AHCY: variants seen among roughly 807,000 people sequenced by gnomAD.
The protein encoded by AHCY is adenosylhomocysteinase.
AHCY carries 24 observed loss-of-function variants against 45.4 expected under a neutral mutation model. That is an observed-to-expected ratio of 0.53 (90% confidence interval 0.38 to 0.74). The LOEUF is 0.74. Ranked by LOEUF, AHCY falls within the 30% of genes least tolerant of loss-of-function variation. The pLI is 0.00. For synonymous variants in AHCY, 245 were observed against 235.1 expected (o/e 1.04, Z -0.39); for missense variants, 449 against 594.1 (o/e 0.76, Z 2.54).
downstream of AHCY, among the ~76,000 whole-genome samples, chr20:34,275,600 T>A (rs1031981973): frequency 1.3e-5 from 2 of 152,140 alleles, no homozygotes; most frequent in Admixed American, 1.3e-4. Context: ...ATCCAGTTAG[T>A]GTAAAACATG....
At chr20:34,301,305 C>T (rs756536699) in intron 1 of AHCY, among the ~76,000 whole-genome samples, 1 of 152,092 alleles carries the variant, frequency 6.6e-6, no homozygotes, top group Non-Finnish European at 1.5e-5. Flanking sequence ...CACCACATGT[C>T]CCTCCAGCTA....
the AHCY span, among the ~76,000 whole-genome samples, chr20:34,264,361 G>T: frequency 2.0e-5 from 3 of 152,192 alleles, no homozygotes; most frequent in Non-Finnish European, 4.4e-5. Context: ...CGCTCTGTGA[G>T]CTAATCATCT....
the AHCY span, among the ~76,000 whole-genome samples, chr20:34,249,536 G>A: frequency 6.6e-6 from 1 of 152,144 alleles, no homozygotes; most frequent in African/African-American, 2.4e-5. Flanking sequence ...GGCTTCATGA[G>A]CATGCAGCTT....
At chr20:34,256,338 C>T in the AHCY span, among the ~76,000 whole-genome samples, 101 of 152,274 alleles carry the variant, frequency 6.6e-4, no homozygotes, top group African/African-American at 2.2e-3. Context: ...TGGTAGTGGT[C>T]CCCCGGACCC....
chr20:34,293,576 C>A, intron 3 of AHCY: 1 of 268,206 alleles, frequency 3.7e-6, no homozygotes, highest in Non-Finnish European at 7.3e-6. Flanking sequence ...TCCTGTCCAC[C>A]TGTGGTTGGT....
the AHCY span, among the ~76,000 whole-genome samples, chr20:34,237,609 T>C: frequency 6.6e-6 from 1 of 152,250 alleles, no homozygotes; most frequent in Non-Finnish European, 1.5e-5. Context: ...GAGATCATTT[T>C]ACTCCTTCCT....
chr20:34,272,861 G>C, the AHCY span, among the ~76,000 whole-genome samples: 1 of 152,152 alleles, frequency 6.6e-6, no homozygotes, highest in Non-Finnish European at 1.5e-5. Flanking sequence ...TCCAGGCTGT[G>C]TCTCAAAAAT....
At chr20:34,294,040 C>T in intron 3 of AHCY, 41 bp downstream of exon 3, 1 of 1,593,506 alleles carries the variant, frequency 6.3e-7, no homozygotes, top group Non-Finnish European at 8.6e-7. Context: ...AGGGCAGAAT[C>T]CCTTCACAAA....
At chr20:34,297,433 G>T (rs2036611101) in intron 1 of AHCY, among the ~76,000 whole-genome samples, 1 of 152,032 alleles carries the variant, frequency 6.6e-6, no homozygotes, top group Admixed American at 6.6e-5. Flanking sequence ...CAATAGCTGG[G>T]ATTACAGGAA....
the AHCY span, among the ~76,000 whole-genome samples, chr20:34,232,664 T>C: frequency 6.6e-6 from 1 of 152,204 alleles, no homozygotes; most frequent in South Asian, 2.1e-4. Flanking sequence ...CACTCAGGCA[T>C]CAGGAGAAGC....
At chr20:34,309,405 G>A (rs574806433) in intron 1 of AHCY, among the ~76,000 whole-genome samples, 6 of 152,214 alleles carry the variant, frequency 3.9e-5, no homozygotes, top group East Asian at 1.9e-4. Context: ...GTTTTGGTGC[G>A]CCCTGTAACT....
At chr20:34,289,587 C>T (rs1260623746) in intron 8 of AHCY, among the ~76,000 whole-genome samples, 1 of 150,928 alleles carries the variant, frequency 6.6e-6, no homozygotes, top group Non-Finnish European at 1.5e-5. Context: ...GCAATTCTCT[C>T]CTGCCTCAGC....
At chr20:34,311,478 C>G (rs1601696152) in exon 1 of AHCY, 1 of 152,388 alleles carries the variant, frequency 6.6e-6, no homozygotes, top group South Asian at 2.1e-4. Context: ...CTGCCTTTTC[C>G]GTGTTTGCTT....
downstream of AHCY, among the ~76,000 whole-genome samples, chr20:34,278,401 G>A (rs187939758): frequency 3.3e-5 from 5 of 152,308 alleles, no homozygotes; most frequent in Admixed American, 3.3e-4. Flanking sequence ...AGGGAAGGGA[G>A]CATGCGCACA....
chr20:34,290,820 T>C lies in AHCY; in HGVS notation c.677A>G (p.Lys226Arg). ...ACCCCGCAGGGCCTGGGCACAGCCC[T>C]TGCCCACATCACCATAGCCTGCTAC... The part of the protein sequence containing the change: ...AVVAGYGDVG[K>R]GCAQALRGFG... The change falls in exon 6 of 10, where the codon AAG becomes AGG. Residue 226 changes from lysine to arginine, a missense_variant. Physicochemically the swap from Lys to Arg is conservative, Grantham distance 26. Coordinates refer to ENST00000217426, the MANE Select transcript of AHCY (RefSeq NM_000687.4). This position sits in a 1 kb window ranked among gnomAD's most constrained non-coding sequence, Gnocchi z 4.5. The C allele has an allele frequency of 6.2e-7, 1 of 1,614,138 alleles. No individual in the cohort carries two copies. Among genetic ancestry groups the C allele is most frequent in the Non-Finnish European group, 8.5e-7 (1 of 1,180,000 alleles).
At chr20:34,271,274 T>G in the AHCY span, among the ~76,000 whole-genome samples, 1 of 152,060 alleles carries the variant, frequency 6.6e-6, no homozygotes. Context: ...TCCTCAAGCC[T>G]AAAGTGCTAA....
chr20:34,267,759 G>A, the AHCY span, among the ~76,000 whole-genome samples: 2 of 151,212 alleles, frequency 1.3e-5, no homozygotes, highest in East Asian at 1.9e-4. Context: ...CCAAACTCCC[G>A]ACCTCAGGTG....
chr20:34,254,973 T>C, the AHCY span, among the ~76,000 whole-genome samples: 1 of 152,186 alleles, frequency 6.6e-6, no homozygotes. Flanking sequence ...GTTGGTCTGT[T>C]TGTCTTAAAC....
At chr20:34,280,073 C>CG (rs1568780962), downstream of AHCY, among the ~76,000 whole-genome samples, 1 of 152,096 alleles carries the variant, frequency 6.6e-6, no homozygotes. Context: ...GCCTGGGTGA[C>CG]GGAGCGAGAC....
Sources: gnomAD v4.1 joint callset for allele counts (sites outside exome capture counted in the v4.1 genomes callset) on GRCh38, gnomAD v4.1.1 for gene constraint, Gnocchi (gnomAD v3.1) non-coding constraint, MANE v1.5 for transcripts, NCBI Gene and HGNC (gene_info 2026-07-23, HGNC 2026-07-21) for gene names.